The following MTMR9 variants were observed in gnomAD, a reference collection of about 807,000 sequenced individuals.
MTMR9 encodes the protein myotubularin-related protein 9.
Under a neutral mutation model 69.5 loss-of-function variants are expected in MTMR9, and 39 were observed. The observed-to-expected ratio is 0.56, with a 90% CI of 0.43 to 0.73. The LOEUF (loss-of-function observed/expected upper bound fraction) is 0.73, where lower values mean the gene tolerates loss of function less well. Among genes scored for constraint, MTMR9 ranks in the 30% least tolerant of loss-of-function variants. The pLI is 0.00. For synonymous variants in MTMR9, 354 were observed against 240.8 expected, an observed-to-expected ratio of 1.47 and a Z score of -4.35; for missense variants, 900 against 671.2, an observed-to-expected ratio of 1.34 and a Z score of -3.77.
intron 1 of MTMR9, among the ~76,000 whole-genome samples, chr8:11,289,079 G>A (rs1320814562): frequency 2.6e-5 from 4 of 152,138 alleles, no homozygotes; most frequent in Non-Finnish European, 5.9e-5. Context: ...GGCTGAGGCA[G>A]GAGAATCACT....
At chr8:11,293,148 A>G (rs1352391174) in intron 1 of MTMR9, among the ~76,000 whole-genome samples, 1 of 152,168 alleles carries the variant, frequency 6.6e-6, no homozygotes, top group Non-Finnish European at 1.5e-5. Flanking sequence ...AGATGTGGAG[A>G]TGGAAGACAG....
chr8:11,299,959 C>T (rs1166554303), intron 2 of MTMR9, 64 bp from the exon 3 acceptor site: 22 of 1,559,726 alleles, frequency 1.4e-5, no homozygotes, highest in Admixed American at 3.8e-5. Context: ...ACTAATTTGT[C>T]AGTTAGAATA....
At chr8:11,294,521 GAC>G (rs1799480497) in intron 1 of MTMR9, among the ~76,000 whole-genome samples, 1 of 74,968 alleles carries the variant, frequency 1.3e-5, no homozygotes, top group Admixed American at 1.2e-4. Flanking sequence ...TTTTTTTTGA[GAC>G]AGAGTCTCAA....
intron 1 of MTMR9, among the ~76,000 whole-genome samples, chr8:11,288,301 TTATAA>T (rs561721377): frequency 1.4e-3 from 199 of 139,722 alleles, no homozygotes; most frequent in African/African-American, 4.9e-3. Context: ...ATAATATATA[TTATAA>T]TATGTATATA....
Position 11,284,912 on chromosome 8 carries a change from G to A in MTMR9, c.24G>A (p.Lys8=), listed in dbSNP as rs1298382692. Residue 8 remains lysine (K), a synonymous_variant, in exon 1 of 10, where the codon AAG becomes AAA. Coordinates refer to ENST00000221086, the MANE Select transcript of MTMR9 (RefSeq NM_015458.4). The part of the protein sequence containing the change: MEFAELI[K]TPRVDNVVLH... ...GCATGGAGTTTGCGGAGCTGATTAA[G>A]ACCCCGCGGGTGGACAATGTGGTGC... 3 of 1,611,056 alleles carry A rather than the reference G, an allele frequency of 1.9e-6. No individual in the cohort carries two copies. The highest frequency in any genetic ancestry group is 2.7e-5 in the African/African-American group (2 of 74,706).
downstream of MTMR9, among the ~76,000 whole-genome samples, chr8:11,328,344 C>CGTGTAT (rs1554507374): frequency 1.1e-5 from 1 of 90,894 alleles, no homozygotes; most frequent in Non-Finnish European, 2.8e-5. Context: ...TTTAATACCA[C>CGTGTAT]GTGTGTGTGT....
At chr8:11,321,613 G>A (rs1800696320) in intron 9 of MTMR9, 1 of 412,014 alleles carries the variant, frequency 2.4e-6, no homozygotes, top group African/African-American at 2.1e-5. Flanking sequence ...GGGAGAAGAA[G>A]AAGCTCTCTA....
intron 1 of MTMR9, among the ~76,000 whole-genome samples, chr8:11,287,834 AT>A (rs1467348315): frequency 1.3e-4 from 16 of 121,696 alleles, no homozygotes; most frequent in Admixed American, 2.8e-4. Context: ...AATATATAAC[AT>A]TATATATTTT....
chr8:11,286,666 C>CA (rs869105936), intron 1 of MTMR9, among the ~76,000 whole-genome samples: 1,982 of 71,402 alleles, frequency 0.028, 144 homozygotes, highest in African/African-American at 0.091. Flanking sequence ...AACTCCATCT[C>CA]AAAAAAAAAA....
intron 3 of MTMR9, among the ~76,000 whole-genome samples, chr8:11,301,846 G>T (rs779096966): frequency 6.6e-6 from 1 of 152,132 alleles, no homozygotes; most frequent in African/African-American, 2.4e-5. Context: ...ATATAGATCC[G>T]AAATAATTAC....
At chr8:11,321,394 C>T (rs977495190) in intron 9 of MTMR9, 1 of 456,178 alleles carries the variant, frequency 2.2e-6, no homozygotes, top group Non-Finnish European at 4.4e-6. Context: ...CTTAAAGCCA[C>T]TGTCACATTT....
downstream of MTMR9, chr8:11,330,981 C>T (rs1801194899): frequency 1.5e-5 from 21 of 1,447,620 alleles, no homozygotes; most frequent in Non-Finnish European, 1.8e-5. Flanking sequence ...GGAAAATAGG[C>T]GTGCTACCAC....
chr8:11,332,540 G>T (rs569568262), downstream of MTMR9, among the ~76,000 whole-genome samples: 1 of 151,546 alleles, frequency 6.6e-6, no homozygotes, highest in Admixed American at 6.6e-5. Flanking sequence ...TAGCTGAAAC[G>T]TGCGACAACT....
the MTMR9 span, among the ~76,000 whole-genome samples, chr8:11,333,766 A>G: frequency 6.6e-6 from 1 of 152,264 alleles, no homozygotes; most frequent in Non-Finnish European, 1.5e-5. Flanking sequence ...TGAAGGTGAA[A>G]TGAAAGGATG....
intron 3 of MTMR9, among the ~76,000 whole-genome samples, chr8:11,302,081 A>T (rs917098871): frequency 1.3e-5 from 2 of 151,904 alleles, no homozygotes; most frequent in African/African-American, 2.4e-5. Flanking sequence ...CAACATGGTG[A>T]AACCCCATCT....
At chr8:11,335,029 T>C in the MTMR9 span, among the ~76,000 whole-genome samples, 8 of 152,208 alleles carry the variant, frequency 5.3e-5, no homozygotes, top group African/African-American at 1.7e-4. Context: ...AAGACAAGCA[T>C]GTGCACTCTC....
rs1395107095 is a variant in MTMR9, at chr8:11,324,469, C to G, written c.*1681C>G. 1.4e-5 allele frequency: 2 copies of G among 147,262 alleles called. No homozygotes were observed. Among genetic ancestry groups the G allele is most frequent in the East Asian group, 2.0e-4 (1 of 5,046 alleles). 9.1% of individuals were successfully genotyped at this position (147,262 alleles called of 1,614,324 possible). ...TGGCAAGGAGCATAAGAGATGTTCT[C>G]GTAGCTCTGCGTTGTGTGAAATGTC... On this transcript the variant is annotated 3_prime_UTR_variant, in exon 10 of 10. Transcript: ENST00000221086.
At chr8:11,329,530 G>C (rs1332021802), downstream of MTMR9, among the ~76,000 whole-genome samples, 1 of 152,248 alleles carries the variant, frequency 6.6e-6, no homozygotes, top group African/African-American at 2.4e-5. Flanking sequence ...TGGCCGGGCT[G>C]GTATCCAGCT....
chr8:11,318,106 GT>G (rs964941720), intron 8 of MTMR9: 2 of 152,204 alleles, frequency 1.3e-5, no homozygotes, highest in African/African-American at 4.8e-5. Flanking sequence ...TAAGAAATGT[GT>G]TTGATGATGA....
Sources: gnomAD v4.1 joint callset for allele counts (sites outside exome capture counted in the v4.1 genomes callset) on GRCh38, gnomAD v4.1.1 for gene constraint, MANE v1.5 for transcripts, NCBI Gene and HGNC (gene_info 2026-07-23, HGNC 2026-07-21) for gene names.